The following RANBP2 variants were observed in gnomAD, a reference collection of about 807,000 sequenced individuals.
RANBP2 encodes the protein E3 SUMO-protein ligase RanBP2.
In RANBP2, 57 loss-of-function variants were observed where a neutral mutation model predicts 303.6. The ratio of observed to expected loss-of-function variants is 0.19; its 90% confidence interval spans 0.15 to 0.23. The LOEUF is 0.23. Among genes scored for constraint, RANBP2 ranks in the 10% least tolerant of loss-of-function variants. RANBP2 has a pLI of 1.00. For missense variants in RANBP2, 3,138 were observed against 3,780.8 expected (o/e 0.83, Z 4.46); for synonymous variants, 1,167 against 1,301.5 (o/e 0.90, Z 2.23).
At chr2:109,124,114 G>A in the RANBP2 span, among the ~76,000 whole-genome samples, 2 of 151,878 alleles carry the variant, frequency 1.3e-5, no homozygotes, top group Non-Finnish European at 2.9e-5. Context: ...GGGTTCAAGC[G>A]AGTCTCATGC....
chr2:109,409,899 T>TG, the RANBP2 span, among the ~76,000 whole-genome samples: 21 of 152,116 alleles, frequency 1.4e-4, no homozygotes, highest in African/African-American at 4.6e-4. Context: ...CACTGCTCCT[T>TG]GGGGTGATGA....
the RANBP2 span, among the ~76,000 whole-genome samples, chr2:108,974,956 G>A: frequency 1.3e-5 from 2 of 152,168 alleles, no homozygotes; most frequent in African/African-American, 4.8e-5. Flanking sequence ...GGAGTCAGAA[G>A]GAAGAGCCCA....
chr2:109,385,695 C>T, the RANBP2 span, among the ~76,000 whole-genome samples: 1 of 152,216 alleles, frequency 6.6e-6, no homozygotes, highest in Non-Finnish European at 1.5e-5. Context: ...TCTCAGACCT[C>T]AAGGGGTTGG....
chr2:108,835,027 C>T, the RANBP2 span, among the ~76,000 whole-genome samples: 5 of 152,220 alleles, frequency 3.3e-5, no homozygotes, highest in Admixed American at 1.3e-4. Flanking sequence ...TTTGCACTTG[C>T]ATTGAGATTC....
At chr2:109,275,205 T>C in the RANBP2 span, among the ~76,000 whole-genome samples, 4 of 152,330 alleles carry the variant, frequency 2.6e-5, no homozygotes, top group African/African-American at 7.2e-5. Context: ...TCTCGTACTT[T>C]GCTGCATACA....
At chr2:108,869,711 C>T in the RANBP2 span, among the ~76,000 whole-genome samples, 1 of 152,144 alleles carries the variant, frequency 6.6e-6, no homozygotes, top group African/African-American at 2.4e-5. Context: ...AAACAGCATA[C>T]ACAGGCCCAG....
the RANBP2 span, among the ~76,000 whole-genome samples, chr2:109,673,252 A>G: frequency 1.3e-5 from 2 of 152,142 alleles, no homozygotes; most frequent in African/African-American, 2.4e-5. Context: ...CCATCTTTAC[A>G]ATGGGGACAG....
chr2:108,727,461 CAT>C (rs993572665), intron 1 of RANBP2, among the ~76,000 whole-genome samples: 15 of 151,820 alleles, frequency 9.9e-5, no homozygotes, highest in Non-Finnish European at 8.8e-5. Flanking sequence ...AAACAGGAAA[CAT>C]GTTTCGATTG....
chr2:109,338,919 C>T, the RANBP2 span, among the ~76,000 whole-genome samples: 1 of 111,128 alleles, frequency 9.0e-6, no homozygotes, highest in Non-Finnish European at 1.8e-5. Context: ...ACTGATAACA[C>T]AAACAGTTGA....
the RANBP2 span, chr2:109,567,902 G>A: frequency 8.1e-6 from 13 of 1,614,010 alleles, no homozygotes; most frequent in Non-Finnish European, 1.1e-5. Context: ...ATTCACTCAT[G>A]AGCTTGATCT....
the RANBP2 span, among the ~76,000 whole-genome samples, chr2:108,816,456 AAAAAAAC>A: frequency 6.6e-6 from 1 of 152,116 alleles, no homozygotes; most frequent in African/African-American, 2.4e-5. Context: ...GTTTCAAAAG[AAAAAAAC>A]AAAAAACAAA....
the RANBP2 span, among the ~76,000 whole-genome samples, chr2:108,892,803 G>T: frequency 6.6e-5 from 10 of 152,190 alleles, no homozygotes; most frequent in African/African-American, 2.4e-4. Flanking sequence ...TAGGCAGGCT[G>T]CTTGTCTCCC....
At chr2:109,056,055 G>A in the RANBP2 span, among the ~76,000 whole-genome samples, 2 of 152,134 alleles carry the variant, frequency 1.3e-5, no homozygotes, top group East Asian at 3.8e-4. Context: ...ACTGAGCCCA[G>A]CCAACAGCTC....
the RANBP2 span, among the ~76,000 whole-genome samples, chr2:109,395,947 G>C: frequency 2.6e-5 from 4 of 152,230 alleles, no homozygotes; most frequent in Non-Finnish European, 4.4e-5. Context: ...CTCCAGGCCT[G>C]TTCCTTTGGG....
chr2:109,360,526 C>T, the RANBP2 span, among the ~76,000 whole-genome samples: 1 of 152,030 alleles, frequency 6.6e-6, no homozygotes, highest in Non-Finnish European at 1.5e-5. Flanking sequence ...GGTCCCATAC[C>T]CAAGATATCT....
chr2:109,579,512 T>C, the RANBP2 span, among the ~76,000 whole-genome samples: 2 of 151,692 alleles, frequency 1.3e-5, no homozygotes, highest in Non-Finnish European at 2.9e-5. Flanking sequence ...GCCTCCTGAG[T>C]AGCTGGGATT....
the RANBP2 span, among the ~76,000 whole-genome samples, chr2:109,175,683 G>T: frequency 6.6e-6 from 1 of 152,120 alleles, no homozygotes; most frequent in Admixed American, 6.5e-5. Flanking sequence ...CACATTTTGG[G>T]TTACCTCAAC....
At chr2:108,839,907 G>A in the RANBP2 span, among the ~76,000 whole-genome samples, 1,994 of 151,528 alleles carry the variant, frequency 0.013, 63 homozygotes, top group South Asian at 0.082. Flanking sequence ...GCAGTATGTC[G>A]AATATGATGG....
the RANBP2 span, among the ~76,000 whole-genome samples, chr2:109,645,587 T>C: frequency 6.6e-6 from 1 of 152,210 alleles, no homozygotes; most frequent in Non-Finnish European, 1.5e-5. Context: ...CCACATGGTC[T>C]GAAGCTTGGA....
Sources: gnomAD v4.1 joint callset for allele counts (sites outside exome capture counted in the v4.1 genomes callset) on GRCh38, gnomAD v4.1.1 for gene constraint, MANE v1.5 for transcripts, NCBI Gene and HGNC (gene_info 2026-07-23, HGNC 2026-07-21) for gene names.